NACC2: variants seen among roughly 807,000 people sequenced by gnomAD.
The protein encoded by NACC2 is NACC family member 2.
In NACC2, 8 loss-of-function variants were observed where a neutral mutation model predicts 25.1. The ratio of observed to expected loss-of-function variants is 0.32; its 90% CI spans 0.19 to 0.57. The LOEUF (loss-of-function observed/expected upper bound fraction) is 0.57. Ranked by LOEUF, NACC2 falls within the 20% of genes least tolerant of loss-of-function variation. The probability of loss-of-function intolerance (pLI) is 0.89; values close to 1 mark genes in which losing one functional copy is unlikely to be tolerated. For missense variants in NACC2, 644 were observed against 650.2 expected, an observed-to-expected ratio of 0.99 and a Z score of 0.10; for synonymous variants, 435 against 294.7, an observed-to-expected ratio of 1.48 and a Z score of -4.88.
intron 1 of NACC2, among the ~76,000 whole-genome samples, chr9:136,057,528 C>T (rs933447802): frequency 1.3e-5 from 2 of 152,328 alleles, no homozygotes; most frequent in Admixed American, 1.3e-4. Flanking sequence ...AGCTGTGTTT[C>T]GAAAAGAGCC....
intron 3 of NACC2, among the ~76,000 whole-genome samples, chr9:136,015,981 T>C (rs540442966): frequency 5.9e-5 from 9 of 152,120 alleles, no homozygotes; most frequent in Non-Finnish European, 1.2e-4. Context: ...CTGGCAACTA[T>C]ACGTGACATG....
Position 136,007,784 on chromosome 9 carries a change from A to G in NACC2, c.*3732T>C, listed in dbSNP as rs10776867. The G allele has an allele frequency of 0.83, 126,477 of 152,198 alleles. 52,757 individuals are homozygous for G. Among genetic ancestry groups the G allele is most frequent in the Non-Finnish European group, 0.85 (58,108 of 68,042 alleles). 9.4% of individuals were successfully genotyped at this position (152,198 alleles called of 1,614,324 possible). On this transcript the variant is annotated 3_prime_UTR_variant, in exon 6 of 6. Coordinates refer to ENST00000277554, the MANE Select transcript of NACC2 (RefSeq NM_144653.5). ...TTCCACTTGCTGCCAAGATGTTTCCATAAAAATTTCCCTTTGAGGGGAGCC... is the reference window on the plus strand; with the variant it reads ...TTCCACTTGCTGCCAAGATGTTTCCGTAAAAATTTCCCTTTGAGGGGAGCC...
chr9:136,060,620 C>T (rs1840995925), intron 1 of NACC2, among the ~76,000 whole-genome samples: 1 of 152,240 alleles, frequency 6.6e-6, no homozygotes, highest in African/African-American at 2.4e-5. Flanking sequence ...CTTGATCCTC[C>T]CTGGCCAAGG....
chr9:136,084,865 A>G lies in NACC2; in HGVS notation c.-60+10324T>C, dbSNP rs550570835. On this transcript the variant is annotated intron_variant, in intron 1 of 5. Coordinates refer to ENST00000277554, the MANE Select transcript of NACC2 (RefSeq NM_144653.5). This position sits in a 1 kb window ranked among gnomAD's most constrained non-coding sequence, Gnocchi z 5.1. Reference sequence around the variant, plus strand: ...ACACCCCCTGTGGGACTCCACTCACATGCAGTCCCGGAAGCAGGCCTACAG... The same window carrying G: ...ACACCCCCTGTGGGACTCCACTCACGTGCAGTCCCGGAAGCAGGCCTACAG... Among the ~76,000 whole-genome samples, 5 of 152,318 alleles carry G rather than the reference A, an allele frequency of 3.3e-5. No individual in the cohort carries two copies. The highest frequency in any genetic ancestry group is 1.9e-4 in the East Asian group (1 of 5,190).
At chr9:136,093,482 CCCCGCCTT>C (rs891742973) in intron 1 of NACC2, among the ~76,000 whole-genome samples, 1 of 152,180 alleles carries the variant, frequency 6.6e-6, no homozygotes, top group African/African-American at 2.4e-5. Context: ...GGTGGCTCCT[CCCCGCCTT>C]CCCGCCAGGC....
chr9:136,041,234 C>G (rs2131154676), intron 2 of NACC2, among the ~76,000 whole-genome samples: 1 of 152,102 alleles, frequency 6.6e-6, no homozygotes, highest in Non-Finnish European at 1.5e-5. Flanking sequence ...CCAGGCTGGC[C>G]AATGTGGTGA....
At chr9:136,094,669 C>T (rs1458810030) in intron 1 of NACC2, among the ~76,000 whole-genome samples, 2 of 152,046 alleles carry the variant, frequency 1.3e-5, no homozygotes, top group Non-Finnish European at 2.9e-5. Context: ...CGAACGGGCC[C>T]ACCTGGACCG....
intron 2 of NACC2, among the ~76,000 whole-genome samples, chr9:136,031,608 G>A (rs1840474681): frequency 6.6e-6 from 1 of 152,184 alleles, no homozygotes; most frequent in Non-Finnish European, 1.5e-5. Context: ...AAAGTGCTAG[G>A]ATTACAGGTG....
Position 136,011,496 on chromosome 9 carries a change from G to A in NACC2, c.*20C>T, listed in dbSNP as rs374658951. 3.8e-5 allele frequency: 51 copies of A among 1,356,680 alleles called. No homozygotes were observed. The highest frequency in any genetic ancestry group is 5.6e-5 in the East Asian group (2 of 35,468). The allele number at this position is 1,356,680 out of a possible 1,614,324, so 84.0% of individuals were successfully genotyped here. ...AAGCAGCTCTAGTACTCGGTCCCTC[G>A]CGCAGCCACCCAGCTCCGCTTACAA... On this transcript the variant is annotated 3_prime_UTR_variant, in exon 6 of 6. Transcript: ENST00000277554.
At position 136,013,368 on chromosome 9, in the gene NACC2, C is replaced by G. The variant is rs2280487; in HGVS notation, c.1158-72G>C. ...GGTACCTGGAGGCGACCCGCCCGCA[C>G]GAATGCCCTGCTGGGAGGCCACTTG... is the stretch of plus-strand genomic sequence containing the variant. On this transcript the variant is annotated intron_variant, in intron 4 of 5. Transcript: ENST00000277554. The surrounding 1 kb of genome is among the most constrained non-coding windows in gnomAD (Gnocchi z 6.6). The G allele has an allele frequency of 0.31, 438,574 of 1,416,014 alleles. 69,594 individuals are homozygous for G. The highest frequency in any genetic ancestry group is 0.33 in the Non-Finnish European group (336,028 of 1,018,540). 87.7% of individuals were successfully genotyped at this position (1,416,014 alleles called of 1,614,324 possible). A position where few individuals can be genotyped will look rare whatever the true frequency, so the allele number is the denominator to read the frequency against.
chr9:136,062,277 C>A (rs993750444), intron 1 of NACC2, among the ~76,000 whole-genome samples: 1 of 152,154 alleles, frequency 6.6e-6, no homozygotes, highest in Non-Finnish European at 1.5e-5. Context: ...AAGGGACCAC[C>A]CAGCAGTCAC....
At chr9:136,032,527 TAAG>T (rs939367212) in intron 2 of NACC2, among the ~76,000 whole-genome samples, 62 of 152,234 alleles carry the variant, frequency 4.1e-4, no homozygotes, top group African/African-American at 1.5e-3. Context: ...CAGGGATATG[TAAG>T]AAGTTCTGGC....
intron 2 of NACC2, among the ~76,000 whole-genome samples, chr9:136,043,200 C>A (rs1840671277): frequency 6.6e-6 from 1 of 152,208 alleles, no homozygotes; most frequent in South Asian, 2.1e-4. Context: ...GCAGGTCAGA[C>A]TAGGAGAGAA....
At chr9:136,080,585 C>CA (rs943471837) in intron 1 of NACC2, among the ~76,000 whole-genome samples, 38 of 150,098 alleles carry the variant, frequency 2.5e-4, no homozygotes, top group Non-Finnish European at 4.0e-4. Flanking sequence ...TACCCTGCTC[C>CA]AATAAAAAAA....
In NACC2 at chr9:136,020,057, A is replaced by C. The variant is rs930384354; in HGVS notation, c.887-3628T>G. On this transcript the variant is annotated intron_variant, in intron 2 of 5. Coordinates refer to ENST00000277554, the MANE Select transcript of NACC2 (RefSeq NM_144653.5). The surrounding 1 kb of genome is among the most constrained non-coding windows in gnomAD (Gnocchi z 4.7). The stretch of plus-strand genomic sequence containing the variant: ...AGAGGTTCATCTGGGGAAGATGGGA[A>C]GTTCTGGAGCCGATGGCAGTGATGC... Among the ~76,000 whole-genome samples, 2 of 152,150 alleles carry C rather than the reference A, an allele frequency of 1.3e-5. No homozygotes were observed. The highest frequency in any genetic ancestry group is 2.9e-5 in the Non-Finnish European group (2 of 68,020).
rs188292717 is a variant in NACC2, at chr9:136,031,007, C to T, written c.887-14578G>A. Among the ~76,000 whole-genome samples the T allele has an allele frequency of 4.6e-5, 7 of 152,200 alleles. No individual in the cohort carries two copies. In the East Asian group the frequency reaches 1.2e-3, roughly 25 times the overall value. ...GAGCCGATGAACTTCCAGATATACACAACTTACCAAACCTGACACAAGAGG... is the reference window on the plus strand; with the variant it reads ...GAGCCGATGAACTTCCAGATATACATAACTTACCAAACCTGACACAAGAGG... On this transcript the variant is annotated intron_variant, in intron 2 of 5. Coordinates refer to ENST00000277554, the MANE Select transcript of NACC2 (RefSeq NM_144653.5).
chr9:136,012,128 C>T, intron 5 of NACC2, 104 bp from the exon 6 acceptor site: 2 of 1,370,502 alleles, frequency 1.5e-6, no homozygotes, highest in South Asian at 1.5e-5. Context: ...TCCCCGGCCG[C>T]TCCTGGGGCC....
rs1025648564 is a variant in NACC2 at position 136,050,548 on chromosome 9, C to G, written c.-27G>C. The G allele has an allele frequency of 1.7e-5, 13 of 749,006 alleles. No homozygotes were observed. In the Admixed American group the frequency reaches 2.3e-4, roughly 13 times the overall value. 46.4% of individuals were successfully genotyped at this position (749,006 alleles called of 1,614,324 possible). On this transcript the variant is annotated 5_prime_UTR_variant, in exon 2 of 6. Coordinates refer to ENST00000277554, the MANE Select transcript of NACC2 (RefSeq NM_144653.5). ...GCGGGCGGGCAGCGGCGGGGCTGGG[C>G]TCTCAGCGCGGGGCGGCCCTAGCGG...
chr9:136,042,361 T>G (rs1381472288), intron 2 of NACC2, among the ~76,000 whole-genome samples: 1 of 152,094 alleles, frequency 6.6e-6, no homozygotes, highest in African/African-American at 2.4e-5. Flanking sequence ...GCTACAGTAA[T>G]CCTGACGGGG....
Sources: allele counts gnomAD v4.1 joint callset (sites outside exome capture counted in the v4.1 genomes callset), GRCh38; gene constraint gnomAD v4.1.1; non-coding constraint Gnocchi (gnomAD v3.1); transcripts MANE v1.5; gene names NCBI Gene and HGNC (gene_info 2026-07-23, HGNC 2026-07-21).